MKLN1: variants seen among roughly 807,000 people sequenced by gnomAD.
The protein encoded by MKLN1 is muskelin.
In MKLN1, 18 loss-of-function variants were observed where a neutral mutation model predicts 99.0. The observed-to-expected ratio is 0.18, with a 90% CI of 0.13 to 0.27. The LOEUF is 0.27. Among genes scored for constraint, MKLN1 ranks in the 10% least tolerant of loss-of-function variants. The probability of loss-of-function intolerance (pLI) is 1.00; values close to 1 mark genes in which losing one functional copy is unlikely to be tolerated. For synonymous variants in MKLN1, 288 were observed against 293.2 expected (o/e 0.98, Z 0.18); for missense variants, 621 against 875.9 (o/e 0.71, Z 3.67).
intron 15 of MKLN1, among the ~76,000 whole-genome samples, chr7:131,467,459 A>G (rs1271325895): frequency 6.6e-6 from 1 of 152,228 alleles, no homozygotes; most frequent in Admixed American, 6.5e-5. Context: ...ATATCAGGAT[A>G]GACTGCACAG....
intron 3 of MKLN1, chr7:131,284,937 T>C (rs1798110275): frequency 6.6e-6 from 1 of 152,228 alleles, no homozygotes; most frequent in South Asian, 2.1e-4. Context: ...TTATTACTGC[T>C]TCAGGAAAAT....
chr7:131,171,824 T>G (rs1474327770), intron 2 of MKLN1, among the ~76,000 whole-genome samples: 2 of 152,222 alleles, frequency 1.3e-5, no homozygotes, highest in Non-Finnish European at 2.9e-5. Flanking sequence ...AATACAACAT[T>G]GACAAAGAAC....
At chr7:131,134,364 T>C (rs1795616059) in intron 1 of MKLN1, among the ~76,000 whole-genome samples, 1 of 152,082 alleles carries the variant, frequency 6.6e-6, no homozygotes, top group African/African-American at 2.4e-5. Flanking sequence ...TTTTTCAGTG[T>C]TCTTCGCTTG....
intron 2 of MKLN1, among the ~76,000 whole-genome samples, chr7:131,376,384 G>A (rs1267042156): frequency 6.8e-6 from 1 of 147,862 alleles, no homozygotes; most frequent in Non-Finnish European, 1.5e-5. Flanking sequence ...TGGCTCATGC[G>A]TGTAATCCCA....
At chr7:131,396,483 T>C (rs1285167347) in intron 4 of MKLN1, among the ~76,000 whole-genome samples, 2 of 152,102 alleles carry the variant, frequency 1.3e-5, no homozygotes, top group East Asian at 3.8e-4. Flanking sequence ...TAGTGACAAA[T>C]AGTAGAGATA....
intron 3 of MKLN1, among the ~76,000 whole-genome samples, chr7:131,224,862 A>G (rs1797118391): frequency 6.6e-6 from 1 of 152,008 alleles, no homozygotes; most frequent in Admixed American, 6.6e-5. Flanking sequence ...TCATGAGGTC[A>G]GGAAATCGAG....
chr7:131,161,274 AAT>A (rs1796044219), intron 2 of MKLN1, among the ~76,000 whole-genome samples: 1 of 152,246 alleles, frequency 6.6e-6, no homozygotes, highest in South Asian at 2.1e-4. Context: ...TGCCTAGCAT[AAT>A]GCTAAATGAG....
intron 1 of MKLN1, among the ~76,000 whole-genome samples, chr7:131,366,870 G>T (rs1374929571): frequency 2.0e-5 from 3 of 152,162 alleles, no homozygotes; most frequent in Non-Finnish European, 2.9e-5. Context: ...TAGGGTTTAA[G>T]CATATGTAAT....
chr7:131,269,043 C>T (rs780286170), intron 3 of MKLN1, among the ~76,000 whole-genome samples: 11 of 152,256 alleles, frequency 7.2e-5, no homozygotes, highest in East Asian at 3.9e-4. Flanking sequence ...TTGTAAGTTG[C>T]GAACACACTT....
At chr7:131,432,552 A>G (rs1005474216) in intron 9 of MKLN1, among the ~76,000 whole-genome samples, 5 of 152,114 alleles carry the variant, frequency 3.3e-5, no homozygotes, top group African/African-American at 1.2e-4. Context: ...GGTTCAAGCA[A>G]TTCTCCTGCC....
chr7:131,350,795 A>C (rs992447036), intron 1 of MKLN1, among the ~76,000 whole-genome samples: 4 of 152,100 alleles, frequency 2.6e-5, no homozygotes, highest in African/African-American at 4.8e-5. Context: ...GCCAACCTAC[A>C]CTCAATGAGA....
chr7:131,423,584 G>A (rs534478943), intron 8 of MKLN1, among the ~76,000 whole-genome samples: 6 of 152,182 alleles, frequency 3.9e-5, no homozygotes, highest in Non-Finnish European at 7.4e-5. Context: ...CGCCTGCCTC[G>A]GCCTCCCAAA....
chr7:131,166,885 T>G (rs1796134187), intron 2 of MKLN1, among the ~76,000 whole-genome samples: 1 of 151,958 alleles, frequency 6.6e-6, no homozygotes, highest in Non-Finnish European at 1.5e-5. Context: ...AGGATGGGAT[T>G]TTACCATGTT....
chr7:131,123,422 A>C (rs1305051051), intron 1 of MKLN1, among the ~76,000 whole-genome samples: 1 of 152,234 alleles, frequency 6.6e-6, no homozygotes, highest in Non-Finnish European at 1.5e-5. Flanking sequence ...ATTTCAAATA[A>C]TTTTTATGTG....
At chr7:131,173,674 G>A (rs1486804003) in intron 2 of MKLN1, among the ~76,000 whole-genome samples, 4 of 152,080 alleles carry the variant, frequency 2.6e-5, no homozygotes, top group African/African-American at 9.7e-5. Context: ...AGTTGAGATC[G>A]TGCCATTGCA....
At chr7:131,461,606 A>G (rs1446215978) in intron 12 of MKLN1, among the ~76,000 whole-genome samples, 2 of 152,212 alleles carry the variant, frequency 1.3e-5, no homozygotes, top group Non-Finnish European at 2.9e-5. Context: ...ATTTGGTCCC[A>G]CTAAAGTAGA....
intron 9 of MKLN1, among the ~76,000 whole-genome samples, chr7:131,430,513 A>C (rs1795492836): frequency 6.6e-6 from 1 of 152,112 alleles, no homozygotes. Flanking sequence ...TAAGGCGATG[A>C]CATCTGTAAT....
intron 10 of MKLN1, among the ~76,000 whole-genome samples, chr7:131,440,204 A>G (rs922068038): frequency 1.1e-4 from 16 of 152,220 alleles, no homozygotes; most frequent in African/African-American, 3.9e-4. Context: ...AGAAAGCATT[A>G]TTTTGTAAAA....
chr7:131,257,049 A>G (rs1797667604), intron 3 of MKLN1, among the ~76,000 whole-genome samples: 1 of 152,228 alleles, frequency 6.6e-6, no homozygotes, highest in Non-Finnish European at 1.5e-5. Flanking sequence ...TCTTTAAAAG[A>G]CATAAAATCG....
Sources: gnomAD v4.1 joint callset for allele counts (sites outside exome capture counted in the v4.1 genomes callset) on GRCh38, gnomAD v4.1.1 for gene constraint, MANE v1.5 for transcripts, NCBI Gene and HGNC (gene_info 2026-07-23, HGNC 2026-07-21) for gene names.